Variants in CSMD1 observed in about 807,000 individuals in gnomAD.
The protein encoded by CSMD1 is CUB and sushi domain-containing protein 1.
In CSMD1, 213 loss-of-function variants were observed where a neutral mutation model predicts 417.5. That is an observed-to-expected ratio of 0.51 (90% confidence interval 0.46 to 0.57). CSMD1 has a LOEUF of 0.57. Ranked by LOEUF, CSMD1 falls within the 20% of genes least tolerant of loss-of-function variation. The probability of loss-of-function intolerance (pLI) is 0.00; values close to 1 mark genes in which losing one functional copy is unlikely to be tolerated. For missense variants in CSMD1, 6,923 were observed against 4,529.7 expected, an observed-to-expected ratio of 1.53 and a Z score of -15.17; for synonymous variants, 2,862 against 1,736.8, an observed-to-expected ratio of 1.65 and a Z score of -16.11.
intron 1 of CSMD1, among the ~76,000 whole-genome samples, chr8:4,750,284 G>A (rs1811230724): frequency 6.6e-6 from 1 of 152,160 alleles, no homozygotes; most frequent in Non-Finnish European, 1.5e-5. Context: ...TGGGATTACA[G>A]GGTGAACCAC....
At chr8:3,283,084 T>G (rs34011109) in intron 26 of CSMD1, among the ~76,000 whole-genome samples, 109,308 of 151,668 alleles carry the variant, frequency 0.72, 40,370 homozygotes, top group Admixed American at 0.82. Context: ...GGCAACTATC[T>G]TTAGGAGATT....
chr8:3,064,034 C>T (rs1265287444), intron 49 of CSMD1, among the ~76,000 whole-genome samples: 2 of 152,190 alleles, frequency 1.3e-5, no homozygotes, highest in Non-Finnish European at 2.9e-5. Context: ...AGTCTTGCTG[C>T]ACAATAGCCA....
chr8:3,568,168 G>A (rs1003672256), intron 10 of CSMD1, among the ~76,000 whole-genome samples: 1 of 152,078 alleles, frequency 6.6e-6, no homozygotes, highest in African/African-American at 2.4e-5. Context: ...GTCTTTTTGA[G>A]GGTTATAAAG....
intron 5 of CSMD1, among the ~76,000 whole-genome samples, chr8:3,946,365 T>C (rs79633508): frequency 1.3e-5 from 2 of 152,162 alleles, no homozygotes; most frequent in Non-Finnish European, 2.9e-5. Flanking sequence ...ATCACGTATG[T>C]GCTGGCCTGT....
intron 3 of CSMD1, among the ~76,000 whole-genome samples, chr8:4,294,484 T>C (rs1245776359): frequency 2.6e-5 from 4 of 152,138 alleles, no homozygotes; most frequent in African/African-American, 9.7e-5. Flanking sequence ...TCTCTGTTGT[T>C]TCATTTAACC....
At chr8:4,419,764 G>T (rs1211314816) in intron 3 of CSMD1, among the ~76,000 whole-genome samples, 189 bp downstream of exon 3, 1 of 152,136 alleles carries the variant, frequency 6.6e-6, no homozygotes, top group African/African-American at 2.4e-5. Context: ...TTGTGAACAC[G>T]TTTTGGGCTG....
chr8:4,518,993 G>A (rs1207569704), intron 2 of CSMD1, among the ~76,000 whole-genome samples: 2 of 152,022 alleles, frequency 1.3e-5, no homozygotes, highest in African/African-American at 2.4e-5. Flanking sequence ...TTTCTCTTTT[G>A]CTGCACTACA....
At chr8:4,451,039 T>C (rs1437903871) in intron 2 of CSMD1, among the ~76,000 whole-genome samples, 2 of 152,068 alleles carry the variant, frequency 1.3e-5, no homozygotes, top group Admixed American at 6.5e-5. Context: ...AAATGGAATT[T>C]AGTGAATTCT....
chr8:3,468,433 A>C (rs1229213578), intron 12 of CSMD1, among the ~76,000 whole-genome samples: 2 of 152,194 alleles, frequency 1.3e-5, no homozygotes, highest in Non-Finnish European at 2.9e-5. Flanking sequence ...AAAGATCCCC[A>C]CATATGCCCA....
intron 11 of CSMD1, among the ~76,000 whole-genome samples, chr8:3,481,603 C>A (rs944550694): frequency 6.6e-6 from 1 of 152,164 alleles, no homozygotes; most frequent in South Asian, 2.1e-4. Flanking sequence ...AGTTAAGGAT[C>A]GAAATGTGGG....
chr8:4,930,845 G>C (rs575057685), intron 1 of CSMD1, among the ~76,000 whole-genome samples: 4 of 152,334 alleles, frequency 2.6e-5, no homozygotes, highest in East Asian at 1.9e-4. Flanking sequence ...ATACAGGATA[G>C]ATCTTAATTT....
intron 3 of CSMD1, among the ~76,000 whole-genome samples, chr8:4,282,561 C>T (rs1005773718): frequency 2.6e-5 from 4 of 152,144 alleles, no homozygotes; most frequent in Admixed American, 6.5e-5. Flanking sequence ...TATGCAGCAC[C>T]ATAAAATTAT....
At chr8:3,913,955 A>T (rs568447778) in intron 5 of CSMD1, among the ~76,000 whole-genome samples, 5 of 152,020 alleles carry the variant, frequency 3.3e-5, no homozygotes, top group Non-Finnish European at 7.4e-5. Context: ...TTTTGACTTC[A>T]GATAAAGGAA....
chr8:3,297,589 A>G (rs570356521), intron 25 of CSMD1, among the ~76,000 whole-genome samples: 37 of 152,192 alleles, frequency 2.4e-4, no homozygotes, highest in East Asian at 1.5e-3. Flanking sequence ...CAAATTGTCA[A>G]TTGAACTTAA....
chr8:4,945,420 A>T (rs570569563), intron 1 of CSMD1, among the ~76,000 whole-genome samples: 2 of 152,224 alleles, frequency 1.3e-5, no homozygotes, highest in East Asian at 3.9e-4. Context: ...GTATATTTTT[A>T]CCGCAATTTA....
intron 26 of CSMD1, among the ~76,000 whole-genome samples, chr8:3,241,029 G>A (rs1436704326): frequency 6.7e-6 from 1 of 149,564 alleles, no homozygotes; most frequent in Non-Finnish European, 1.5e-5. Flanking sequence ...CGGTCACCAA[G>A]GAGGGAGTAG....
chr8:3,403,905 T>C (rs1164203813), intron 15 of CSMD1, among the ~76,000 whole-genome samples: 3 of 152,226 alleles, frequency 2.0e-5, no homozygotes, highest in Non-Finnish European at 4.4e-5. Context: ...CCATATGTGA[T>C]GGAAATACAT....
intron 23 of CSMD1, among the ~76,000 whole-genome samples, chr8:3,326,391 T>A (rs1012038683): frequency 3.3e-5 from 5 of 152,204 alleles, no homozygotes; most frequent in Non-Finnish European, 7.4e-5. Flanking sequence ...GATGAAGATT[T>A]ATGTCCTGTT....
intron 1 of CSMD1, among the ~76,000 whole-genome samples, chr8:4,963,721 A>G (rs981266864): frequency 2.6e-5 from 4 of 152,182 alleles, no homozygotes; most frequent in African/African-American, 4.8e-5. Flanking sequence ...TGACCATACA[A>G]TTTTAACACT....
Sources: allele counts gnomAD v4.1 joint callset (sites outside exome capture counted in the v4.1 genomes callset), GRCh38; gene constraint gnomAD v4.1.1; transcripts MANE v1.5; gene names NCBI Gene and HGNC (gene_info 2026-07-23, HGNC 2026-07-21).